ZNF35: variants seen among roughly 807,000 people sequenced by gnomAD.
ZNF35 encodes the protein zinc finger protein 35, also known as zinc finger protein 35 (clone HF.10).
A neutral mutation model predicts 45.9 loss-of-function variants in ZNF35; 31 were observed. The ratio of observed to expected loss-of-function variants is 0.68; its 90% CI spans 0.51 to 0.91. The LOEUF is 0.91. Ranked by LOEUF, ZNF35 falls within the 40% of genes least tolerant of loss-of-function variation. ZNF35 has a pLI of 0.00. For synonymous variants in ZNF35, 205 were observed against 220.2 expected, an observed-to-expected ratio of 0.93 and a Z score of 0.61; for missense variants, 515 against 625.4, an observed-to-expected ratio of 0.82 and a Z score of 1.88.
upstream of ZNF35, chr3:44,647,419 T>C (rs1703018756): frequency 6.6e-6 from 1 of 152,190 alleles, no homozygotes; most frequent in Non-Finnish European, 1.5e-5. Flanking sequence ...CACACATGTA[T>C]ATGTCATGCT....
chr3:44,650,638 G>A (rs561620923), intron 1 of ZNF35, among the ~76,000 whole-genome samples: 14 of 152,194 alleles, frequency 9.2e-5, no homozygotes, highest in African/African-American at 2.4e-4. Flanking sequence ...GAGGTAGACC[G>A]AGATGATTTT....
At chr3:44,654,694 A>T (rs1261864091) in intron 3 of ZNF35, among the ~76,000 whole-genome samples, 3 of 152,180 alleles carry the variant, frequency 2.0e-5, no homozygotes, top group African/African-American at 7.2e-5. Flanking sequence ...ATTAAAGTTT[A>T]TTCATTTAAA....
intron 2 of ZNF35, among the ~76,000 whole-genome samples, chr3:44,651,683 A>G (rs1375506908): frequency 2.0e-5 from 3 of 152,058 alleles, no homozygotes; most frequent in Non-Finnish European, 4.4e-5. Flanking sequence ...AATACAAAAA[A>G]TTAGCTTGGC....
At chr3:44,652,005 T>C (rs1176917755) in intron 2 of ZNF35, among the ~76,000 whole-genome samples, 1 of 152,112 alleles carries the variant, frequency 6.6e-6, no homozygotes, top group Non-Finnish European at 1.5e-5. Context: ...CAGATTCTGA[T>C]TGAGGATGTC....
At chr3:44,647,881 A>G (rs1187400654), upstream of ZNF35, 1 of 152,190 alleles carries the variant, frequency 6.6e-6, no homozygotes, top group African/African-American at 2.4e-5. Flanking sequence ...ACACTTGTGT[A>G]TCTTGATTGC....
chr3:44,659,741 T>C lies in ZNF35; in HGVS notation c.1378T>C (p.Tyr460His). The C allele has an allele frequency of 6.2e-7, 1 of 1,614,006 alleles. No homozygotes were observed. Among genetic ancestry groups the C allele is most frequent in the Non-Finnish European group, 8.5e-7 (1 of 1,179,964 alleles). Reference protein sequence around the residue: ...ECGKAFTCSSYLLIHQRIHNG... With the variant: ...ECGKAFTCSSHLLIHQRIHNG... ...TGGGAAGGCCTTCACATGTAGCTCA[T>C]ACCTACTTATTCATCAGAGAATTCA... The change falls in exon 4 of 4, where the codon TAC becomes CAC. Residue 460 changes from tyrosine to histidine, a missense_variant. Around this residue, in one of 3 missense-constraint regions of ZNF35, gnomAD observed 232 missense variants for 304.6 expected, o/e 0.76. Coordinates refer to ENST00000396056, the MANE Select transcript of ZNF35 (RefSeq NM_003420.4). The surrounding 1 kb of genome is among the most constrained non-coding windows in gnomAD (Gnocchi z 4.3).
chr3:44,659,731 A>G lies in ZNF35; in HGVS notation c.1368A>G (p.Thr456=), dbSNP rs2125845688. 6.2e-7 allele frequency: 1 copy of G among 1,614,168 alleles called. No homozygotes were observed. ...YVCNECGKAF[T]CSSYLLIHQR... ...GTAATGAATGTGGGAAGGCCTTCAC[A>G]TGTAGCTCATACCTACTTATTCATC... The change falls in exon 4 of 4, where the codon ACA becomes ACG. Residue 456 remains threonine, a synonymous_variant. Transcript: ENST00000396056. The surrounding 1 kb of genome is among the most constrained non-coding windows in gnomAD (Gnocchi z 4.3).
chr3:44,657,473 G>A (rs1385680280), intron 3 of ZNF35, among the ~76,000 whole-genome samples: 1 of 152,178 alleles, frequency 6.6e-6, no homozygotes, highest in Non-Finnish European at 1.5e-5. Context: ...TTACATGGGT[G>A]CACATTTCAA....
chr3:44,656,833 G>T (rs572546632), intron 3 of ZNF35, among the ~76,000 whole-genome samples: 1 of 149,946 alleles, frequency 6.7e-6, no homozygotes, highest in East Asian at 2.0e-4. Context: ...AAGTAGCTGG[G>T]ACTACAGGCA....
chr3:44,657,897 C>T (rs1009415655), intron 3 of ZNF35, among the ~76,000 whole-genome samples: 8 of 152,168 alleles, frequency 5.3e-5, no homozygotes, highest in African/African-American at 1.9e-4. Flanking sequence ...GACTGTATTC[C>T]AGGCAATATC....
intron 3 of ZNF35, among the ~76,000 whole-genome samples, chr3:44,656,257 A>G (rs931218909): frequency 1.3e-5 from 2 of 152,216 alleles, no homozygotes; most frequent in African/African-American, 4.8e-5. Flanking sequence ...TCGAGATAGC[A>G]GGAAAAAATA....
upstream of ZNF35, chr3:44,648,630 TG>T (rs1436832703): frequency 1.3e-5 from 2 of 152,112 alleles, no homozygotes; most frequent in Non-Finnish European, 2.9e-5. Context: ...ATCCCTGGTC[TG>T]GGGCGACATT....
intron 2 of ZNF35, among the ~76,000 whole-genome samples, 176 bp from the exon 3 acceptor site, chr3:44,652,381 T>C (rs1703220266): frequency 6.6e-6 from 1 of 152,202 alleles, no homozygotes; most frequent in Non-Finnish European, 1.5e-5. Context: ...AGTAGCTAGC[T>C]TGTTTCTCTG....
At chr3:44,650,178 A>G (rs998402833) in intron 1 of ZNF35, among the ~76,000 whole-genome samples, 1 of 152,190 alleles carries the variant, frequency 6.6e-6, no homozygotes, top group African/African-American at 2.4e-5. Flanking sequence ...TATCAACACC[A>G]TAGGTTATTG....
chr3:44,656,771 C>G (rs1241232919), intron 3 of ZNF35, among the ~76,000 whole-genome samples: 2 of 151,384 alleles, frequency 1.3e-5, no homozygotes, highest in African/African-American at 4.9e-5. Flanking sequence ...AGTCTCAGCT[C>G]AGTACAGCCT....
chr3:44,652,553 C>T lies in ZNF35; in HGVS notation c.193-4C>T, dbSNP rs1253931952. ...CTCTTAAACATGTGCCTGCTTGTCT[C>T]TAGGGTCAGAACATATCCTGGGATA... On this transcript the variant is annotated splice_region_variant and splice_polypyrimidine_tract_variant and intron_variant, in intron 2 of 3. Coordinates refer to ENST00000396056, the MANE Select transcript of ZNF35 (RefSeq NM_003420.4). The T allele has an allele frequency of 1.3e-6, 2 of 1,576,300 alleles. No homozygotes were observed. Among genetic ancestry groups the T allele is most frequent in the African/African-American group, 2.7e-5 (2 of 73,316 alleles).
At chr3:44,652,519 A>C in intron 2 of ZNF35, 38 bp from the exon 3 acceptor site, 1 of 1,493,648 alleles carries the variant, frequency 6.7e-7, no homozygotes, top group Non-Finnish European at 9.0e-7. Context: ...ACCCCCTACC[A>C]CCAGTTCCCT....
chr3:44,647,974 A>G (rs1420990987), upstream of ZNF35: 1 of 152,196 alleles, frequency 6.6e-6, no homozygotes, highest in Non-Finnish European at 1.5e-5. Flanking sequence ...ATTTTATGTA[A>G]GATGTAACCA....
intron 3 of ZNF35, among the ~76,000 whole-genome samples, chr3:44,654,050 C>G (rs1328077096): frequency 1.3e-5 from 2 of 152,204 alleles, no homozygotes; most frequent in African/African-American, 4.8e-5. Context: ...TCCCCACTTT[C>G]TGCTTTGTGT....
Sources: gnomAD v4.1 joint callset for allele counts (sites outside exome capture counted in the v4.1 genomes callset) on GRCh38, gnomAD v4.1.1 for gene constraint, gnomAD v4.1.1 regional missense constraint, Gnocchi (gnomAD v3.1) non-coding constraint, MANE v1.5 for transcripts, NCBI Gene and HGNC (gene_info 2026-07-23, HGNC 2026-07-21) for gene names.